The following PIK3R3 variants were observed in gnomAD, a reference collection of about 807,000 sequenced individuals.
The protein encoded by PIK3R3 is phosphatidylinositol 3-kinase regulatory subunit gamma.
PIK3R3 carries 64 observed loss-of-function variants against 62.9 expected under a neutral mutation model. The observed-to-expected ratio is 1.02, with a 90% CI of 0.83 to 1.25. The LOEUF is 1.25. Among genes scored for constraint, PIK3R3 ranks in the 50% most tolerant of loss-of-function variants. PIK3R3 has a pLI of 0.00. For synonymous variants in PIK3R3, 165 were observed against 189.0 expected, an observed-to-expected ratio of 0.87 and a Z score of 1.04; for missense variants, 614 against 561.6, an observed-to-expected ratio of 1.09 and a Z score of -0.94.
chr1:46,149,378 T>TCCAA, the PIK3R3 span, among the ~76,000 whole-genome samples: 1 of 135,240 alleles, frequency 7.4e-6, no homozygotes. Context: ...GCCGAGATTG[T>TCCAA]GCCACTGCAC....
intron 3 of PIK3R3, among the ~76,000 whole-genome samples, chr1:46,073,967 T>A (rs1649790958): frequency 6.7e-6 from 1 of 149,604 alleles, no homozygotes; most frequent in Admixed American, 6.6e-5. Flanking sequence ...TGAGCCACAA[T>A]ATTAAATGCA....
chr1:46,087,592 CTTTT>C (rs35296719), intron 1 of PIK3R3, among the ~76,000 whole-genome samples: 1 of 100,354 alleles, frequency 1.0e-5, no homozygotes, highest in African/African-American at 3.7e-5. Flanking sequence ...ACATATTCAT[CTTTT>C]TTTTTTTTTT....
At chr1:46,163,131 G>T in the PIK3R3 span, among the ~76,000 whole-genome samples, 6,237 of 152,248 alleles carry the variant, frequency 0.041, 339 homozygotes, top group African/African-American at 0.13. Flanking sequence ...ATGGATGACA[G>T]ATGAAGGTTA....
upstream of PIK3R3, among the ~76,000 whole-genome samples, chr1:46,135,177 C>G (rs1220446048): frequency 6.6e-6 from 1 of 152,154 alleles, no homozygotes; most frequent in Non-Finnish European, 1.5e-5. Context: ...GCCCCAGGCT[C>G]TTTGGCAAAG....
At chr1:46,132,671 G>T (rs1195281113), upstream of PIK3R3, 5 of 1,289,704 alleles carry the variant, frequency 3.9e-6, no homozygotes, top group South Asian at 2.5e-5. Flanking sequence ...GCGCGGAGGG[G>T]ACACCCTCCC....
chr1:46,158,098 C>T, the PIK3R3 span, among the ~76,000 whole-genome samples: 3 of 152,158 alleles, frequency 2.0e-5, no homozygotes, highest in African/African-American at 7.2e-5. Flanking sequence ...CTGTTACAGC[C>T]TCCTGGGTCA....
rs913274667 is a variant in PIK3R3 at position 46,106,272 on chromosome 1, T to C, written c.107-25522A>G. Among the ~76,000 whole-genome samples the C allele has an allele frequency of 2.1e-4, 32 of 151,546 alleles. 2 individuals carry two copies. The highest frequency in any genetic ancestry group is 1.9e-3 in the Admixed American group (29 of 15,192). On this transcript the variant is annotated intron_variant, in intron 1 of 9. Transcript: ENST00000262741. ...TGCATGCCACCACACCCAGCTAATT[T>C]TGTGTGTGTGTGTGTAGAGACAAGT...
At chr1:46,114,747 G>A (rs971265898) in intron 1 of PIK3R3, among the ~76,000 whole-genome samples, 1 of 148,662 alleles carries the variant, frequency 6.7e-6, no homozygotes, top group Non-Finnish European at 1.5e-5. Flanking sequence ...CGAGACTACA[G>A]GCATACACCA....
chr1:46,140,377 G>A, the PIK3R3 span, among the ~76,000 whole-genome samples: 44 of 152,106 alleles, frequency 2.9e-4, no homozygotes, highest in African/African-American at 9.9e-4. Context: ...CACAGACATT[G>A]GGGAAAAATT....
chr1:46,069,550 G>T (rs1026423156), intron 3 of PIK3R3, among the ~76,000 whole-genome samples: 1 of 151,960 alleles, frequency 6.6e-6, no homozygotes, highest in African/African-American at 2.4e-5. Context: ...TTTAAAGGGG[G>T]AAAAAGTTTG....
In PIK3R3 at chr1:46,077,900, G is replaced by T. The variant is rs528471026; in HGVS notation, c.216-287C>A. 4.6e-5 allele frequency among the ~76,000 whole-genome samples: 7 copies of T among 152,282 alleles called. No individual in the cohort carries two copies. In the East Asian group the frequency reaches 1.4e-3, roughly 29 times the overall value. ...GATACTGTTTCCATCAAGCCTTTAAGGGTTTCCTTAGGCAGGTCTGAACTT... is the reference window on the plus strand; with the variant it reads ...GATACTGTTTCCATCAAGCCTTTAATGGTTTCCTTAGGCAGGTCTGAACTT... On this transcript the variant is annotated intron_variant, in intron 2 of 9. Coordinates refer to ENST00000262741, the MANE Select transcript of PIK3R3 (RefSeq NM_003629.4).
At chr1:46,052,341 C>T (rs980859615) in intron 7 of PIK3R3, among the ~76,000 whole-genome samples, 2 of 151,688 alleles carry the variant, frequency 1.3e-5, no homozygotes, top group African/African-American at 4.8e-5. Flanking sequence ...AGGGGGACTA[C>T]AATACCAAAA....
chr1:46,077,372 TAGCC>T, intron 3 of PIK3R3, 139 bp downstream of exon 3: 1 of 452,930 alleles, frequency 2.2e-6, no homozygotes, highest in South Asian at 4.2e-5. Context: ...AAAAAAGAAT[TAGCC>T]AGACTGGAAA....
chr1:46,105,021 C>T lies in PIK3R3; in HGVS notation c.107-24271G>A, dbSNP rs961145040. The T allele has an allele frequency of 1.7e-5, 12 of 719,254 alleles. No homozygotes were observed. The African/African-American group carries it at 1.7e-4, about 10-fold the overall frequency. 44.6% of individuals were successfully genotyped at this position (719,254 alleles called of 1,614,324 possible). A position where few individuals can be genotyped will look rare whatever the true frequency, so the allele number is the denominator to read the frequency against. On this transcript the variant is annotated intron_variant, in intron 1 of 9. Coordinates refer to ENST00000262741, the MANE Select transcript of PIK3R3 (RefSeq NM_003629.4). ...GCAAGGCAGAGCCACCAGAAACATA[C>T]ACCTGATTTTCATGACAAATACAGT...
intron 1 of PIK3R3, among the ~76,000 whole-genome samples, chr1:46,106,438 A>G (rs1004673704): frequency 1.3e-5 from 2 of 152,162 alleles, no homozygotes; most frequent in African/African-American, 2.4e-5. Context: ...TATATTCTTG[A>G]TGATTATCTC....
At chr1:46,107,461 G>A (rs551339018) in intron 1 of PIK3R3, among the ~76,000 whole-genome samples, 27 of 150,984 alleles carry the variant, frequency 1.8e-4, no homozygotes, top group Middle Eastern at 7.0e-3. Flanking sequence ...AATATGGAAA[G>A]GAATAAATCA....
chr1:46,146,661 G>T, the PIK3R3 span, among the ~76,000 whole-genome samples: 12 of 125,570 alleles, frequency 9.6e-5, no homozygotes, highest in East Asian at 2.7e-4. Context: ...AGTATTTTAG[G>T]GACAGCCCCC....
At chr1:46,131,735 C>T (rs1655615304) in intron 1 of PIK3R3, 112 bp downstream of exon 1, 3 of 960,782 alleles carry the variant, frequency 3.1e-6, no homozygotes, top group South Asian at 1.3e-5. Flanking sequence ...CAAATCTCCT[C>T]ATCCCGAACC....
At chr1:46,162,501 C>T in the PIK3R3 span, among the ~76,000 whole-genome samples, 3 of 151,512 alleles carry the variant, frequency 2.0e-5, no homozygotes, top group Admixed American at 6.6e-5. Context: ...TAAATTAAAG[C>T]GAGATACAAA....
Sources: allele counts gnomAD v4.1 joint callset (sites outside exome capture counted in the v4.1 genomes callset), GRCh38; gene constraint gnomAD v4.1.1; transcripts MANE v1.5; gene names NCBI Gene and HGNC (gene_info 2026-07-23, HGNC 2026-07-21).